Variants in PARL observed in about 807,000 individuals in gnomAD.
PARL encodes presenilin-associated rhomboid-like protein, mitochondrial.
PARL carries 44 observed loss-of-function variants against 51.6 expected under a neutral mutation model. The ratio of observed to expected loss-of-function variants is 0.85; its 90% CI spans 0.67 to 1.10. PARL has a LOEUF of 1.10. Ranked by LOEUF, PARL falls within the 50% of genes least tolerant of loss-of-function variation. PARL has a pLI of 0.00. For synonymous variants in PARL, 172 were observed against 164.0 expected (o/e 1.05, Z -0.37); for missense variants, 441 against 469.5 (o/e 0.94, Z 0.56).
At chr3:183,868,178 A>G (rs1732759671) in intron 1 of PARL, 118 bp from the exon 2 acceptor site, 1 of 763,228 alleles carries the variant, frequency 1.3e-6, no homozygotes. Flanking sequence ...CTACAGTCCA[A>G]AAACAGCCAA....
intron 4 of PARL, among the ~76,000 whole-genome samples, chr3:183,857,642 G>A (rs1001412344): frequency 2.6e-5 from 4 of 152,230 alleles, no homozygotes; most frequent in African/African-American, 9.6e-5. Flanking sequence ...GAAGTTCAGA[G>A]TGAGAGAAAG....
chr3:183,875,469 C>G (rs1272570305), intron 1 of PARL, among the ~76,000 whole-genome samples: 3 of 148,656 alleles, frequency 2.0e-5, no homozygotes, highest in Admixed American at 2.0e-4. Context: ...GCCTTATTGC[C>G]AACATGGAAA....
chr3:183,856,999 A>T (rs529702594), intron 4 of PARL, among the ~76,000 whole-genome samples: 2 of 152,254 alleles, frequency 1.3e-5, no homozygotes, highest in Admixed American at 6.5e-5. Context: ...GACTGAAAAC[A>T]ACCTAAATAT....
downstream of PARL, among the ~76,000 whole-genome samples, chr3:183,828,682 T>C (rs1727598392): frequency 6.6e-6 from 1 of 151,896 alleles, no homozygotes; most frequent in Non-Finnish European, 1.5e-5. Flanking sequence ...GCCATTCCCA[T>C]CCCCCACGGC....
intron 1 of PARL, among the ~76,000 whole-genome samples, chr3:183,870,839 C>G (rs963869054): frequency 6.6e-6 from 1 of 152,090 alleles, no homozygotes; most frequent in East Asian, 1.9e-4. Flanking sequence ...CTCTTAACTA[C>G]GACAATGCTA....
chr3:183,840,853 C>T (rs936392550), intron 6 of PARL, among the ~76,000 whole-genome samples: 8 of 151,912 alleles, frequency 5.3e-5, no homozygotes, highest in African/African-American at 1.2e-4. Context: ...GGATTACAGG[C>T]GTGCGGCACC....
At position 183,868,065 on chromosome 3, in the gene PARL, G is replaced by A. The variant is rs1413134775; in HGVS notation, c.126-5C>T. On this transcript the variant is annotated splice_polypyrimidine_tract_variant and splice_region_variant and intron_variant, in intron 1 of 9. Coordinates refer to ENST00000317096, the MANE Select transcript of PARL (RefSeq NM_018622.7). ...TGTTGAATAAAGAAGTTAAACCTAT[G>A]GGGCAAAAATAACAGATGAGAAACA... is the stretch of plus-strand genomic sequence containing the variant. 14 of 1,611,320 alleles carry A rather than the reference G, an allele frequency of 8.7e-6. No homozygotes were observed. Among genetic ancestry groups the A allele is most frequent in the Non-Finnish European group, 1.1e-5 (13 of 1,177,458 alleles).
chr3:183,868,825 C>T (rs1053341902), intron 1 of PARL, among the ~76,000 whole-genome samples: 2 of 152,176 alleles, frequency 1.3e-5, no homozygotes, highest in African/African-American at 4.8e-5. Flanking sequence ...TAATTATTTT[C>T]TTTTCTAAGT....
At chr3:183,882,245 T>TTATATA (rs71963110) in intron 1 of PARL, among the ~76,000 whole-genome samples, 17 of 29,348 alleles carry the variant, frequency 5.8e-4, no homozygotes, top group South Asian at 1.6e-3. Context: ...ATATATATAT[T>TTATATA]TATATATATA....
chr3:183,831,390 T>C (rs966704392), intron 9 of PARL, among the ~76,000 whole-genome samples: 2 of 152,260 alleles, frequency 1.3e-5, no homozygotes, highest in Non-Finnish European at 2.9e-5. Flanking sequence ...TTGGCTAAAC[T>C]AAAATCGGGA....
At chr3:183,843,303 A>G (rs1729557861) in intron 5 of PARL, 2 of 985,332 alleles carry the variant, frequency 2.0e-6, no homozygotes, top group East Asian at 2.3e-4. Flanking sequence ...GCAAAAGTTG[A>G]TTAGAAAAAA....
chr3:183,884,701 C>A, intron 1 of PARL, 21 bp downstream of exon 1: 1 of 1,582,896 alleles, frequency 6.3e-7, no homozygotes, highest in Non-Finnish European at 8.6e-7. Flanking sequence ...GGCGAGAAGA[C>A]CAGAGCGCGG....
intron 7 of PARL, among the ~76,000 whole-genome samples, chr3:183,836,436 ATATT>A (rs1171893492): frequency 6.6e-6 from 1 of 152,162 alleles, no homozygotes; most frequent in Non-Finnish European, 1.5e-5. Context: ...ATAAATTTAA[ATATT>A]TATATGTCTG....
rs144158850 is a variant in PARL at position 183,849,449 on chromosome 3, C to T, written c.512-5123G>A. ...AACCAACGGTTCAAAGAAGAAATCA[C>T]GAGGGCAACTAGGAAACTCAGATGA... On this transcript the variant is annotated intron_variant, in intron 4 of 9. Coordinates refer to ENST00000317096, the MANE Select transcript of PARL (RefSeq NM_018622.7). Among the ~76,000 whole-genome samples, 32 of 151,992 alleles carry T rather than the reference C, an allele frequency of 2.1e-4. No homozygotes were observed. In the East Asian group the frequency reaches 4.8e-3, roughly 23 times the overall value.
intron 7 of PARL, among the ~76,000 whole-genome samples, chr3:183,837,277 C>A (rs1728728660): frequency 6.6e-6 from 1 of 150,862 alleles, no homozygotes; most frequent in African/African-American, 2.5e-5. Context: ...TGGTGAGTTC[C>A]CTGGGCTTTC....
intron 5 of PARL, among the ~76,000 whole-genome samples, chr3:183,842,758 A>G (rs915003335): frequency 3.6e-5 from 5 of 138,664 alleles, no homozygotes. Flanking sequence ...CAGTGAGCCA[A>G]GATTGAGCCA....
intron 4 of PARL, among the ~76,000 whole-genome samples, chr3:183,854,744 C>CA (rs1730948315): frequency 9.1e-6 from 1 of 109,368 alleles, no homozygotes; most frequent in African/African-American, 3.5e-5. Context: ...TTTTTTTTTA[C>CA]AATTAAAAAA....
At position 183,833,515 on chromosome 3, in the gene PARL, A is replaced by T; in HGVS notation, c.1005T>A (p.His335Gln). 6.2e-7 allele frequency: 1 copy of T among 1,612,188 alleles called. No individual in the cohort carries two copies. The highest frequency in any genetic ancestry group is 1.3e-5 in the African/African-American group (1 of 74,996). Residue 335 changes from histidine (H) to glutamine (Q), a missense_variant, in exon 9 of 10, where the codon CAT (histidine) becomes CAA (glutamine). By Grantham distance (24) the His-to-Gln change is conservative (BLOSUM62 0). Coordinates refer to ENST00000317096, the MANE Select transcript of PARL (RefSeq NM_018622.7). ...ACATTCCAAAAAGAGCTCCCCCAAGATGTGCCGCATGATCAAAAAATTTCC... is the reference window on the plus strand; with the variant it reads ...ACATTCCAAAAAGAGCTCCCCCAAGTTGTGCCGCATGATCAAAAAATTTCC... ...LGWKFFDHAA[H>Q]LGGALFGIWY...
At chr3:183,856,666 G>C (rs574777800) in intron 4 of PARL, 1 of 152,232 alleles carries the variant, frequency 6.6e-6, no homozygotes, top group Admixed American at 6.5e-5. Flanking sequence ...CACAATGAGG[G>C]AGGCAAAGGC....
Sources: gnomAD v4.1 joint callset for allele counts (sites outside exome capture counted in the v4.1 genomes callset) on GRCh38, gnomAD v4.1.1 for gene constraint, MANE v1.5 for transcripts, NCBI Gene and HGNC (gene_info 2026-07-23, HGNC 2026-07-21) for gene names.